The following AOPEP variants were observed in gnomAD, a reference collection of about 807,000 sequenced individuals.
AOPEP encodes aminopeptidase O (putative).
Under a neutral mutation model 98.1 loss-of-function variants are expected in AOPEP, and 77 were observed. The observed-to-expected ratio is 0.78, with a 90% CI of 0.65 to 0.95. The LOEUF (loss-of-function observed/expected upper bound fraction) is 0.95, where lower values mean the gene tolerates loss of function less well. AOPEP is among the 40% of genes least tolerant of loss of function. The probability of loss-of-function intolerance (pLI) is 0.00; values close to 1 mark genes in which losing one functional copy is unlikely to be tolerated. For missense variants in AOPEP, 1,024 were observed against 1,024.7 expected, an observed-to-expected ratio of 1.00 and a Z score of 0.01; for synonymous variants, 346 against 365.3, an observed-to-expected ratio of 0.95 and a Z score of 0.60.
intron 10 of AOPEP, among the ~76,000 whole-genome samples, chr9:94,978,843 C>T (rs1409249218): frequency 2.0e-5 from 3 of 151,962 alleles, no homozygotes; most frequent in South Asian, 2.1e-4. Flanking sequence ...TAAAGCAGAA[C>T]GGGGCCCGGT....
chr9:95,121,944 G>A, the AOPEP span, among the ~76,000 whole-genome samples: 3 of 149,858 alleles, frequency 2.0e-5, no homozygotes, highest in Non-Finnish European at 3.0e-5. Context: ...TGCAAGCTCC[G>A]CCTCCCGGGT....
chr9:94,856,379 C>T (rs367584066), intron 5 of AOPEP, among the ~76,000 whole-genome samples: 7 of 152,132 alleles, frequency 4.6e-5, no homozygotes, highest in Admixed American at 1.3e-4. Context: ...CGGTGGCTCA[C>T]GCCTGTAATC....
At chr9:94,964,481 T>A (rs1306647767) in intron 9 of AOPEP, among the ~76,000 whole-genome samples, 2 of 152,214 alleles carry the variant, frequency 1.3e-5, no homozygotes, top group African/African-American at 2.4e-5. Flanking sequence ...CTGCTTCTCA[T>A]GCAATTAAAT....
At chr9:94,862,710 A>C (rs1222763728) in intron 5 of AOPEP, among the ~76,000 whole-genome samples, 1 of 151,998 alleles carries the variant, frequency 6.6e-6, no homozygotes, top group Non-Finnish European at 1.5e-5. Context: ...CCCACTTGCA[A>C]TCACACTGCA....
chr9:94,880,571 G>T (rs1238444765), intron 5 of AOPEP, among the ~76,000 whole-genome samples: 1 of 151,964 alleles, frequency 6.6e-6, no homozygotes, highest in Non-Finnish European at 1.5e-5. Context: ...GCCCAGGCTG[G>T]TTTTGAACTT....
intron 5 of AOPEP, among the ~76,000 whole-genome samples, chr9:94,898,740 G>A (rs1386938826): frequency 6.6e-6 from 1 of 151,186 alleles, no homozygotes; most frequent in Non-Finnish European, 1.5e-5. Context: ...TCAGGAGATC[G>A]AGACCATCCT....
chr9:95,133,255 A>G, the AOPEP span, among the ~76,000 whole-genome samples: 1 of 152,224 alleles, frequency 6.6e-6, no homozygotes, highest in Non-Finnish European at 1.5e-5. Flanking sequence ...AGCCCACACC[A>G]ATCAGGGGCT....
At chr9:94,975,458 A>G (rs1231960883) in intron 10 of AOPEP, among the ~76,000 whole-genome samples, 2 of 152,016 alleles carry the variant, frequency 1.3e-5, no homozygotes, top group East Asian at 1.9e-4. Flanking sequence ...AGTACTAACT[A>G]TGTTAAAGCA....
At chr9:94,763,066 C>A in intron 2 of AOPEP, 1 of 399,856 alleles carries the variant, frequency 2.5e-6, no homozygotes, top group South Asian at 2.0e-5. Flanking sequence ...AGAATATTAT[C>A]AGTTATACCC....
At chr9:95,043,572 C>T (rs1374565224) in intron 13 of AOPEP, among the ~76,000 whole-genome samples, 1 of 152,198 alleles carries the variant, frequency 6.6e-6, no homozygotes, top group Non-Finnish European at 1.5e-5. Context: ...TTTGTACTAA[C>T]ATAGGAAAAC....
chr9:95,010,209 A>G lies in AOPEP; in HGVS notation c.2115+4593A>G, dbSNP rs143475102. Among the ~76,000 whole-genome samples, 532 of 152,356 alleles carry G rather than the reference A, an allele frequency of 3.5e-3. 3 individuals are homozygous for G. Among genetic ancestry groups the G allele is most frequent in the African/African-American group, 0.012 (483 of 41,582 alleles). On this transcript the variant is annotated intron_variant, in intron 13 of 16. Transcript: ENST00000375315. ...TAATATTATTCAAAATGATAAAGGTAGGTACAAATTTTAAACTATTTAACA... is the reference window on the plus strand; with the variant it reads ...TAATATTATTCAAAATGATAAAGGTGGGTACAAATTTTAAACTATTTAACA...
the AOPEP span, chr9:95,111,034 C>T: frequency 1.4e-6 from 2 of 1,453,206 alleles, no homozygotes; most frequent in East Asian, 5.0e-5. Context: ...AGGAGACAGT[C>T]AAGATGGAAG....
intron 16 of AOPEP, chr9:95,085,194 G>T (rs759096072): frequency 2.1e-6 from 1 of 482,310 alleles, no homozygotes; most frequent in East Asian, 6.3e-5. Flanking sequence ...CAGACAGCAC[G>T]GGGTGGCGCT....
chr9:95,144,253 A>T, the AOPEP span, among the ~76,000 whole-genome samples: 1 of 152,336 alleles, frequency 6.6e-6, no homozygotes, highest in South Asian at 2.1e-4. Flanking sequence ...TCCAGCTCTT[A>T]CGCCACTGCT....
chr9:95,147,842 G>C, the AOPEP span, among the ~76,000 whole-genome samples: 6 of 152,260 alleles, frequency 3.9e-5, no homozygotes, highest in Admixed American at 6.5e-5. Context: ...CCTTACAATA[G>C]AATCTCTGGA....
rs569931609 is a variant in AOPEP at position 94,815,388 on chromosome 9, C to T, written c.1364+14386C>T. ...TTGGAAGATAAGGGCCCAGAGTGGC[C>T]ATTTAGGACAGAGTAACTTGCCCCT... On this transcript the variant is annotated intron_variant, in intron 5 of 16. Coordinates refer to ENST00000375315, the MANE Select transcript of AOPEP (RefSeq NM_001193329.3). 2.6e-5 allele frequency among the ~76,000 whole-genome samples: 4 copies of T among 152,268 alleles called. No individual in the cohort carries two copies. The East Asian group carries it at 7.7e-4, about 29-fold the overall frequency.
At chr9:94,743,232 GGAA>G (rs749524705) in intron 1 of AOPEP, among the ~76,000 whole-genome samples, 31 of 128,278 alleles carry the variant, frequency 2.4e-4, no homozygotes, top group African/African-American at 6.7e-4. Context: ...AAGAAGAAGA[GGAA>G]GAAGAAGAGG....
chr9:94,932,065 C>A (rs72750310), intron 7 of AOPEP: 4 of 1,111,548 alleles, frequency 3.6e-6, no homozygotes, highest in African/African-American at 3.2e-5. Context: ...AACCCAGGGA[C>A]GGAAACTCTT....
In AOPEP at chr9:95,087,086, T is replaced by C. The variant is rs945434649; in HGVS notation, c.*409T>C. ...ACACAGCTCCTCTGTATGAGACCAG[T>C]GGGCGCCATTTAAAAGAACAGGATG... On this transcript the variant is annotated 3_prime_UTR_variant, in exon 17 of 17. Transcript: ENST00000375315. 1 of 246,212 alleles carries C rather than the reference T, an allele frequency of 4.1e-6. No individual in the cohort carries two copies. The highest frequency in any genetic ancestry group is 2.3e-5 in the African/African-American group (1 of 43,066). 15.3% of individuals were successfully genotyped at this position (246,212 alleles called of 1,614,324 possible). A position where few individuals can be genotyped will look rare whatever the true frequency, so the allele number is the denominator to read the frequency against.
Sources: gnomAD v4.1 joint callset for allele counts (sites outside exome capture counted in the v4.1 genomes callset) on GRCh38, gnomAD v4.1.1 for gene constraint, MANE v1.5 for transcripts, NCBI Gene and HGNC (gene_info 2026-07-23, HGNC 2026-07-21) for gene names.